The following MATN3 variants were observed in gnomAD, a reference collection of about 807,000 sequenced individuals.
The protein encoded by MATN3 is matrilin 3, also known as matrilin-3.
MATN3 carries 48 observed loss-of-function variants against 45.3 expected under a neutral mutation model. The ratio of observed to expected loss-of-function variants is 1.06; its 90% CI spans 0.84 to 1.35. MATN3 has a LOEUF of 1.35. MATN3 is among the 40% of genes most tolerant of loss of function. The pLI is 0.00. For missense variants in MATN3, 599 were observed against 628.0 expected (o/e 0.95, Z 0.49); for synonymous variants, 217 against 245.9 (o/e 0.88, Z 1.10).
At chr2:20,000,697 C>T in intron 4 of MATN3, 131 bp from the exon 5 acceptor site, 1 of 817,066 alleles carries the variant, frequency 1.2e-6, no homozygotes, top group Non-Finnish European at 1.8e-6. Flanking sequence ...GCCATTGGCA[C>T]TGTTTTTTTC....
chr2:20,009,821 GA>G (rs1412288560), intron 1 of MATN3, among the ~76,000 whole-genome samples: 1 of 151,768 alleles, frequency 6.6e-6, no homozygotes, highest in Non-Finnish European at 1.5e-5. Context: ...TTATCAACCA[GA>G]AAATATTTAA....
chr2:19,999,560 C>T (rs1672944170), intron 5 of MATN3, among the ~76,000 whole-genome samples: 1 of 149,502 alleles, frequency 6.7e-6, no homozygotes, highest in Non-Finnish European at 1.5e-5. Context: ...TCTTTGTATG[C>T]TCCCAATGCT....
rs1263687871 is a variant in MATN3, at chr2:19,993,130, T to C, written c.1442A>G (p.Tyr481Cys). The C allele has an allele frequency of 5.6e-6, 9 of 1,612,940 alleles. No individual in the cohort carries two copies. Among genetic ancestry groups the C allele is most frequent in the Non-Finnish European group, 7.6e-6 (9 of 1,179,222 alleles). The change falls in exon 8 of 8, where the codon TAT becomes TGT. Residue 481 changes from tyrosine to cysteine, a missense_variant. By Grantham distance (194) the Tyr-to-Cys change is radical. Coordinates refer to ENST00000407540, the MANE Select transcript of MATN3 (RefSeq NM_002381.5). The stretch of plus-strand genomic sequence containing the variant: ...AGCAATTTAACGATGTATTTGTCCA[T>C]ATTCATTTATTTTCAACTTCTCCAA... The part of the protein sequence containing the change: ...DILEKLKINE[Y>C]GQIHR
chr2:19,992,901 C>A lies in MATN3; in HGVS notation c.*210G>T. ...TAACTTAGAGACACTAAAGTTTGCT[C>A]TTAATAAGTATCTGCATATGTATTT... On this transcript the variant is annotated 3_prime_UTR_variant, in exon 8 of 8. Coordinates refer to ENST00000407540, the MANE Select transcript of MATN3 (RefSeq NM_002381.5). 1 of 540,546 alleles carries A rather than the reference C, an allele frequency of 1.8e-6. No individual in the cohort carries two copies. The highest frequency in any genetic ancestry group is 3.8e-5 in the Admixed American group (1 of 26,258). The allele number at this position is 540,546 out of a possible 1,614,324, so 33.5% of individuals were successfully genotyped here.
chr2:20,006,457 G>A (rs970077564), intron 1 of MATN3, 147 bp from the exon 2 acceptor site: 36 of 626,446 alleles, frequency 5.7e-5, no homozygotes, highest in African/African-American at 2.7e-4. Context: ...CAAGACCATC[G>A]GGGTGTTGAA....
chr2:19,998,959 T>A (rs1028600219), intron 5 of MATN3, among the ~76,000 whole-genome samples: 2 of 152,084 alleles, frequency 1.3e-5, no homozygotes, highest in African/African-American at 4.8e-5. Flanking sequence ...CATGGGCAAG[T>A]TACTGAATCA....
intron 5 of MATN3, 60 bp from the exon 6 acceptor site, chr2:19,997,319 A>G: frequency 5.3e-6 from 8 of 1,502,912 alleles, no homozygotes; most frequent in Middle Eastern, 3.5e-4. Context: ...AGTAAACACA[A>G]ATGTTTGAGA....
chr2:19,992,787 T>A lies in MATN3; in HGVS notation c.*324A>T. Reference sequence around the variant, plus strand: ...TTCCATTGTGAATATGGTTATCTAATATAAACATTTAAAAATTAAATGGCT... The same window carrying A: ...TTCCATTGTGAATATGGTTATCTAAAATAAACATTTAAAAATTAAATGGCT... On this transcript the variant is annotated 3_prime_UTR_variant, in exon 8 of 8. Transcript: ENST00000407540. The A allele has an allele frequency of 3.6e-6, 1 of 276,048 alleles. No individual in the cohort carries two copies. The allele number at this position is 276,048 out of a possible 1,614,324, so 17.1% of individuals were successfully genotyped here. A position where few individuals can be genotyped will look rare whatever the true frequency, so the allele number is the denominator to read the frequency against.
intron 1 of MATN3, among the ~76,000 whole-genome samples, chr2:20,010,100 T>C (rs1362161213): frequency 2.6e-5 from 2 of 76,698 alleles, no homozygotes; most frequent in Non-Finnish European, 5.3e-5. Context: ...ACCTCCAGAA[T>C]TTTACTTCAT....
At chr2:20,001,907 G>T (rs755619478) in intron 4 of MATN3, 48 bp downstream of exon 4, 9 of 1,584,198 alleles carry the variant, frequency 5.7e-6, no homozygotes, top group Non-Finnish European at 4.3e-6. Flanking sequence ...CACCGGGTAG[G>T]TAGGCAGAGA....
rs1245058977 is a variant in MATN3, at chr2:20,012,490, G to A, written c.142C>T (p.Pro48Ser). The change falls in exon 1 of 8, where the codon CCT becomes TCT. Residue 48 changes from proline (P) to serine (S), a missense_variant. Physicochemically the swap from Pro to Ser is moderately conservative, Grantham distance 74. Transcript: ENST00000407540. This position sits in a 1 kb window ranked among gnomAD's most constrained non-coding sequence, Gnocchi z 4.3. ...RLETRGPGGS[P>S]GRRPSPAAPD... ...GCCGCAGGAGAGGGGCGGCGTCCAGGGCTGCCCCCGGGACCTCGGGTCTCC... is the reference window on the plus strand; with the variant it reads ...GCCGCAGGAGAGGGGCGGCGTCCAGAGCTGCCCCCGGGACCTCGGGTCTCC... The A allele has an allele frequency of 1.6e-6, 2 of 1,229,088 alleles. No homozygotes were observed. Among genetic ancestry groups the A allele is most frequent in the Non-Finnish European group, 2.0e-6 (2 of 986,514 alleles). The allele number at this position is 1,229,088 out of a possible 1,614,324, so 76.1% of individuals were successfully genotyped here. A position where few individuals can be genotyped will look rare whatever the true frequency, so the allele number is the denominator to read the frequency against.
rs1410032644 is a variant in MATN3, at chr2:20,005,618, A to G, written c.790+126T>C. 9.0e-6 allele frequency: 7 copies of G among 774,316 alleles called. 1 individual carries two copies. The South Asian group carries it at 1.2e-4, about 13-fold the overall frequency. The allele number at this position is 774,316 out of a possible 1,614,324, so 48.0% of individuals were successfully genotyped here. A position where few individuals can be genotyped will look rare whatever the true frequency, so the allele number is the denominator to read the frequency against. Reference sequence around the variant, plus strand: ...CGCATGCACACGTGCACACACACACACGCATTGGATATATTTAAGTTTTTC... The same window carrying G: ...CGCATGCACACGTGCACACACACACGCGCATTGGATATATTTAAGTTTTTC... On this transcript the variant is annotated intron_variant, in intron 2 of 7. Coordinates refer to ENST00000407540, the MANE Select transcript of MATN3 (RefSeq NM_002381.5).
chr2:20,002,457 T>C (rs1323682293), intron 3 of MATN3, among the ~76,000 whole-genome samples: 1 of 152,322 alleles, frequency 6.6e-6, no homozygotes, highest in East Asian at 1.9e-4. Context: ...TGAGTACCCC[T>C]CTAACTTCTT....
chr2:19,998,151 C>T (rs758760542), intron 5 of MATN3, among the ~76,000 whole-genome samples: 7 of 152,144 alleles, frequency 4.6e-5, no homozygotes, highest in East Asian at 1.9e-4. Flanking sequence ...AAATGTGAGA[C>T]GCTATATAAT....
In MATN3 at chr2:19,992,244, A is replaced by C. The variant is rs1403110051; in HGVS notation, c.*867T>G. ...CAAAGCCAAAAGAATTATATGTATC[A>C]AATATATAAGTAAAAAAAAGTTAGA... On this transcript the variant is annotated 3_prime_UTR_variant, in exon 8 of 8. Transcript: ENST00000407540. The C allele has an allele frequency of 6.6e-6, 1 of 152,184 alleles. No homozygotes were observed. The highest frequency in any genetic ancestry group is 2.4e-5 in the African/African-American group (1 of 41,468). The allele number at this position is 152,184 out of a possible 1,614,324, so 9.4% of individuals were successfully genotyped here.
At position 20,002,773 on chromosome 2, in the gene MATN3, TA is replaced by T. The variant is rs1285699397; in HGVS notation, c.916+387del. ...CACCACCACACCTGGCTTTTTTTTT[TA>T]AATTATTTTTTGTAGAGATGGGGTC... On this transcript the variant is annotated intron_variant, in intron 3 of 7. Transcript: ENST00000407540. Among the ~76,000 whole-genome samples, 1,146 of 150,422 alleles carry T rather than the reference TA, an allele frequency of 7.6e-3. 20 individuals carry two copies. The highest frequency in any genetic ancestry group is 0.026 in the African/African-American group (1,058 of 41,066).
intron 2 of MATN3, among the ~76,000 whole-genome samples, chr2:20,004,938 AC>A (rs1377409797): frequency 6.6e-6 from 1 of 152,212 alleles, no homozygotes; most frequent in Non-Finnish European, 1.5e-5. Context: ...CATGAGTCCC[AC>A]AGATCATAAT....
chr2:19,997,071 A>T, intron 6 of MATN3, 63 bp downstream of exon 6: 2 of 1,571,712 alleles, frequency 1.3e-6, no homozygotes, highest in Non-Finnish European at 8.7e-7. Context: ...GACAGAAAGA[A>T]AAAAGCTTGC....
rs956580622 is a variant in MATN3, at chr2:19,992,890, T to G, written c.*221A>C. The G allele has an allele frequency of 1.9e-6, 1 of 523,990 alleles. No individual in the cohort carries two copies. The highest frequency in any genetic ancestry group is 2.0e-5 in the African/African-American group (1 of 50,292). 32.5% of individuals were successfully genotyped at this position (523,990 alleles called of 1,614,324 possible). A position where few individuals can be genotyped will look rare whatever the true frequency, so the allele number is the denominator to read the frequency against. On this transcript the variant is annotated 3_prime_UTR_variant, in exon 8 of 8. Coordinates refer to ENST00000407540, the MANE Select transcript of MATN3 (RefSeq NM_002381.5). ...TTTCACAGTCATAACTTAGAGACAC[T>G]AAAGTTTGCTCTTAATAAGTATCTG...
Sources: allele counts gnomAD v4.1 joint callset (sites outside exome capture counted in the v4.1 genomes callset), GRCh38; gene constraint gnomAD v4.1.1; non-coding constraint Gnocchi (gnomAD v3.1); transcripts MANE v1.5; gene names NCBI Gene and HGNC (gene_info 2026-07-23, HGNC 2026-07-21).